The following IGFL2 variants were observed in gnomAD, a reference collection of about 807,000 sequenced individuals.
The protein encoded by IGFL2 is insulin growth factor-like family member 2.
A neutral mutation model predicts 13.9 loss-of-function variants in IGFL2; 7 were observed. That is an observed-to-expected ratio of 0.51 (90% CI 0.29 to 0.95). IGFL2 has a LOEUF of 0.95. Among genes scored for constraint, IGFL2 ranks in the 40% least tolerant of loss-of-function variants. The pLI is 0.08. For synonymous variants in IGFL2, 55 were observed against 55.8 expected (o/e 0.99, Z 0.07); for missense variants, 138 against 147.8 (o/e 0.93, Z 0.34).
chr19:46,135,016 T>G, the IGFL2 span, among the ~76,000 whole-genome samples: 1 of 152,226 alleles, frequency 6.6e-6, no homozygotes, highest in Non-Finnish European at 1.5e-5. Flanking sequence ...TTAATGAATA[T>G]TCACTGTCAC....
chr19:46,140,759 A>G (rs1286568127), upstream of IGFL2, among the ~76,000 whole-genome samples: 1 of 152,204 alleles, frequency 6.6e-6, no homozygotes, highest in Admixed American at 6.5e-5. Context: ...CAGGACAGGA[A>G]AACATGAAGT....
the IGFL2 span, among the ~76,000 whole-genome samples, chr19:46,169,847 C>CAA: frequency 1.2e-3 from 137 of 113,610 alleles, 1 homozygote; most frequent in Non-Finnish European, 1.8e-3. Context: ...GACTCTGTCT[C>CAA]AAAAAAAAAA....
the IGFL2 span, among the ~76,000 whole-genome samples, chr19:46,174,823 T>C: frequency 6.6e-6 from 1 of 152,370 alleles, no homozygotes; most frequent in Admixed American, 6.5e-5. Context: ...TGTGGCTCGG[T>C]AATTGCTCAT....
the IGFL2 span, among the ~76,000 whole-genome samples, chr19:46,135,424 T>G: frequency 6.6e-5 from 10 of 152,244 alleles, no homozygotes; most frequent in East Asian, 1.7e-3. Context: ...GTCAGAGTTG[T>G]TTGCATCTCC....
intron 1 of IGFL2, among the ~76,000 whole-genome samples, chr19:46,153,383 G>A (rs1973617453): frequency 6.6e-6 from 1 of 152,094 alleles, no homozygotes; most frequent in South Asian, 2.1e-4. Flanking sequence ...CTGAGATGAG[G>A]TATCTTATTG....
At chr19:46,161,750 G>A (rs1974181840), downstream of IGFL2, among the ~76,000 whole-genome samples, 1 of 152,176 alleles carries the variant, frequency 6.6e-6, no homozygotes, top group Admixed American at 6.5e-5. Flanking sequence ...GCATACCATT[G>A]GGTCTTGCTT....
chr19:46,157,264 A>G (rs886878048), intron 1 of IGFL2, among the ~76,000 whole-genome samples: 1 of 152,220 alleles, frequency 6.6e-6, no homozygotes, highest in Non-Finnish European at 1.5e-5. Context: ...AATTCAATTC[A>G]TTTCATAAAA....
chr19:46,191,310 A>G, the IGFL2 span, among the ~76,000 whole-genome samples: 1 of 152,136 alleles, frequency 6.6e-6, no homozygotes, highest in African/African-American at 2.4e-5. Flanking sequence ...AGGCCGATGT[A>G]GACTCCAGGG....
the IGFL2 span, among the ~76,000 whole-genome samples, chr19:46,205,351 T>C: frequency 1.3e-5 from 2 of 152,162 alleles, no homozygotes; most frequent in East Asian, 3.8e-4. Flanking sequence ...ATTTTCAAAA[T>C]GGCAGCTCCA....
chr19:46,105,330 T>C, the IGFL2 span, among the ~76,000 whole-genome samples: 1 of 151,868 alleles, frequency 6.6e-6, no homozygotes. Context: ...TGCTGAGAGG[T>C]AGTGGAGTGG....
At chr19:46,138,509 G>A (rs1035852470), upstream of IGFL2, among the ~76,000 whole-genome samples, 1 of 152,206 alleles carries the variant, frequency 6.6e-6, no homozygotes, top group Non-Finnish European at 1.5e-5. Flanking sequence ...ATGTGCTGGT[G>A]GTGGGGGAGC....
the IGFL2 span, among the ~76,000 whole-genome samples, chr19:46,117,598 C>T: frequency 6.6e-6 from 1 of 152,166 alleles, no homozygotes; most frequent in Admixed American, 6.5e-5. Context: ...CCCACGTCAG[C>T]CTCTCAAGTA....
rs550828136 is a variant in IGFL2, at chr19:46,158,188, C to T, written c.20-2227C>T. On this transcript the variant is annotated intron_variant, in intron 1 of 3. Coordinates refer to ENST00000377693, the MANE Select transcript of IGFL2 (RefSeq NM_001135113.2). ...ACTCAACTAGTAAAGATGTTAGTTC[C>T]CCCCAAATTGATTGCAATTTATATT... Among the ~76,000 whole-genome samples, 132 of 152,042 alleles carry T rather than the reference C, an allele frequency of 8.7e-4. 1 individual carries two copies. Among genetic ancestry groups the T allele is most frequent in the African/African-American group, 3.1e-3 (127 of 41,496 alleles).
chr19:46,132,890 A>G, the IGFL2 span, among the ~76,000 whole-genome samples: 1 of 152,308 alleles, frequency 6.6e-6, no homozygotes, highest in East Asian at 1.9e-4. Flanking sequence ...AACGATTTCA[A>G]CCTGTCCCTC....
chr19:46,109,774 G>A, the IGFL2 span, among the ~76,000 whole-genome samples: 1 of 152,186 alleles, frequency 6.6e-6, no homozygotes, highest in African/African-American at 2.4e-5. Flanking sequence ...TCACAAGGGT[G>A]GGGAGGGTGT....
At chr19:46,191,047 G>C in the IGFL2 span, among the ~76,000 whole-genome samples, 2 of 152,046 alleles carry the variant, frequency 1.3e-5, no homozygotes, top group Admixed American at 6.6e-5. Context: ...ACCTCAAAGT[G>C]GGGGAGAAGC....
the IGFL2 span, among the ~76,000 whole-genome samples, chr19:46,121,409 A>AAG: frequency 7.2e-6 from 1 of 138,268 alleles, no homozygotes; most frequent in Middle Eastern, 3.4e-3. Flanking sequence ...AAAAAAAAAA[A>AAG]GAAGAAGAAA....
At chr19:46,147,402 T>A (rs1973195709), upstream of IGFL2, among the ~76,000 whole-genome samples, 1 of 152,200 alleles carries the variant, frequency 6.6e-6, no homozygotes, top group Non-Finnish European at 1.5e-5. Flanking sequence ...TAGTCTAGAA[T>A]GAAAGTTTAC....
At chr19:46,177,662 C>T in the IGFL2 span, among the ~76,000 whole-genome samples, 4 of 152,030 alleles carry the variant, frequency 2.6e-5, no homozygotes, top group Non-Finnish European at 5.9e-5. Flanking sequence ...GTCCTCCTAC[C>T]CCTCACTCCC....
Sources: gnomAD v4.1 joint callset for allele counts (sites outside exome capture counted in the v4.1 genomes callset) on GRCh38, gnomAD v4.1.1 for gene constraint, MANE v1.5 for transcripts, NCBI Gene and HGNC (gene_info 2026-07-23, HGNC 2026-07-21) for gene names.